BAIAP2L2: variants seen among roughly 807,000 people sequenced by gnomAD.
BAIAP2L2 encodes the protein BAR/IMD domain containing adaptor protein 2 like 2.
A neutral mutation model predicts 60.4 loss-of-function variants in BAIAP2L2; 65 were observed. The observed-to-expected ratio is 1.08, with a 90% CI of 0.88 to 1.32. The LOEUF (loss-of-function observed/expected upper bound fraction) is 1.32. Ranked by LOEUF, BAIAP2L2 falls within the 40% of genes most tolerant of loss-of-function variation. The probability of loss-of-function intolerance (pLI) is 0.00; values close to 1 mark genes in which losing one functional copy is unlikely to be tolerated. For missense variants in BAIAP2L2, 836 were observed against 741.2 expected (o/e 1.13, Z -1.48); for synonymous variants, 344 against 301.7 (o/e 1.14, Z -1.45).
At position 38,088,717 on chromosome 22, in the gene BAIAP2L2, C is replaced by CA. The variant is rs755505438; in HGVS notation, c.1118+30dup. On this transcript the variant is annotated intron_variant, in intron 10 of 13. Transcript: ENST00000381669. ...GGCCCCCAGGGCCTTCTTCTCAACC[C>CA]ACCCCCGGCCCCTCCAAGGCTCCCA... 1.2e-5 allele frequency: 16 copies of CA among 1,313,040 alleles called. No individual in the cohort carries two copies. In the Middle Eastern group the frequency reaches 6.5e-4, roughly 53 times the overall value. 81.3% of individuals were successfully genotyped at this position (1,313,040 alleles called of 1,614,324 possible).
At chr22:38,109,572 G>A (rs981497245) in intron 1 of BAIAP2L2, among the ~76,000 whole-genome samples, 9 of 152,304 alleles carry the variant, frequency 5.9e-5, no homozygotes, top group Non-Finnish European at 1.0e-4. Flanking sequence ...GCACGGCTCA[G>A]CCCTGCCCTG....
chr22:38,097,798 T>G (rs2086473119), intron 6 of BAIAP2L2, among the ~76,000 whole-genome samples: 3 of 145,974 alleles, frequency 2.1e-5, no homozygotes, highest in African/African-American at 5.1e-5. Context: ...ATGGGGGAGG[T>G]GGGATGGGTT....
At chr22:38,098,512 A>C in intron 4 of BAIAP2L2, 30 bp from the exon 5 acceptor site, 1 of 1,592,588 alleles carries the variant, frequency 6.3e-7, no homozygotes, top group Non-Finnish European at 8.6e-7. Flanking sequence ...AGGGTGATCA[A>C]GGCCCCCCTA....
chr22:38,097,111 A>C lies in BAIAP2L2; in HGVS notation c.533T>G (p.Leu178Trp), dbSNP rs775380722. 1 of 1,614,044 alleles carries C rather than the reference A, an allele frequency of 6.2e-7. No individual in the cohort carries two copies. Among genetic ancestry groups the C allele is most frequent in the East Asian group, 2.2e-5 (1 of 44,882 alleles). Residue 178 changes from leucine to tryptophan, a missense_variant, in exon 7 of 14, where the codon TTG becomes TGG. Physicochemically the swap from Leu to Trp is moderately conservative, Grantham distance 61. Coordinates refer to ENST00000381669, the MANE Select transcript of BAIAP2L2 (RefSeq NM_025045.6). ...FVSESQRAAE[L>W]EEKRRYRFLA... is the part of the protein sequence containing the mutation. ...GAAGCGATAGCGCCGCTTCTCTTCCAATTCAGCCGCCCGCTGACTCTCAGA... is the reference window on the plus strand; with the variant it reads ...GAAGCGATAGCGCCGCTTCTCTTCCCATTCAGCCGCCCGCTGACTCTCAGA...
chr22:38,098,471 G>A lies in BAIAP2L2; in HGVS notation c.288C>T (p.Phe96=). The A allele has an allele frequency of 6.2e-7, 1 of 1,613,836 alleles. No individual in the cohort carries two copies. Among genetic ancestry groups the A allele is most frequent in the Non-Finnish European group, 8.5e-7 (1 of 1,179,846 alleles). ...CCATGTGCTGCAGCAGGCCTCCATG[G>A]AATGTCTGCACCTGAGCGGAGTGCA... ...NSDLEVVVQT[F]HGGLLQHMEK... Residue 96 remains phenylalanine, a synonymous_variant, in exon 5 of 14, where the codon TTC becomes TTT. Coordinates refer to ENST00000381669, the MANE Select transcript of BAIAP2L2 (RefSeq NM_025045.6).
At chr22:38,088,146 C>A (rs1439270765) in intron 10 of BAIAP2L2, among the ~76,000 whole-genome samples, 1 of 152,228 alleles carries the variant, frequency 6.6e-6, no homozygotes, top group African/African-American at 2.4e-5. Flanking sequence ...CACTGCCTGG[C>A]TCCAGCCAGC....
chr22:38,095,991 CATT>C (rs1462449886), intron 7 of BAIAP2L2, among the ~76,000 whole-genome samples: 1 of 152,114 alleles, frequency 6.6e-6, no homozygotes, highest in Admixed American at 6.5e-5. Context: ...CAGGTATCTT[CATT>C]ATTATGTTAA....
chr22:38,096,884 G>A (rs1197003987), intron 7 of BAIAP2L2, 148 bp downstream of exon 7: 17 of 914,482 alleles, frequency 1.9e-5, no homozygotes, highest in Non-Finnish European at 2.8e-5. Context: ...AGGAAGAAAT[G>A]GATGGAGATA....
At chr22:38,089,023 C>T in intron 9 of BAIAP2L2, 59 bp from the exon 10 acceptor site, 2 of 1,450,864 alleles carry the variant, frequency 1.4e-6, no homozygotes, top group South Asian at 1.4e-5. Flanking sequence ...CGTCTGCCCT[C>T]GATCCCTCCT....
In BAIAP2L2 at chr22:38,087,247, TC is replaced by T; in HGVS notation, c.1135del (p.Glu379ArgfsTer4). 1 of 1,606,032 alleles carries T rather than the reference TC, an allele frequency of 6.2e-7. No individual in the cohort carries two copies. Among genetic ancestry groups the T allele is most frequent in the Non-Finnish European group, 8.5e-7 (1 of 1,176,562 alleles). Reference sequence around the variant, plus strand: ...CTCCTCCAGAGCCTTCACGTACGCCTCGGGGAACCAACCGCTCCTGTGGGGT... The same window carrying T: ...CTCCTCCAGAGCCTTCACGTACGCCTGGGGAACCAACCGCTCCTGTGGGGT... ...EGSSASGWFP[E>X]AYVKALEEGP... On this transcript the variant is annotated frameshift_variant, in exon 11 of 14. Transcript: ENST00000381669. LOFTEE classifies it high-confidence loss of function.
chr22:38,110,889 C>T (rs532999841), upstream of BAIAP2L2, among the ~76,000 whole-genome samples: 1 of 152,258 alleles, frequency 6.6e-6, no homozygotes, highest in East Asian at 1.9e-4. Flanking sequence ...CCCTGGGGGG[C>T]CCCGCCCTCC....
intron 1 of BAIAP2L2, among the ~76,000 whole-genome samples, chr22:38,110,120 G>GGAGAGAGAGAGAGAGAGAGA (rs1202491630): frequency 1.2e-3 from 22 of 18,828 alleles, no homozygotes; most frequent in Non-Finnish European, 3.7e-3. Context: ...AGAGAGAGAG[G>GGAGAGAGAGAGAGAGAGAGA]GAGAGAGAGA....
chr22:38,109,995 T>C (rs1036133749), intron 1 of BAIAP2L2, among the ~76,000 whole-genome samples: 1 of 125,482 alleles, frequency 8.0e-6, no homozygotes, highest in African/African-American at 3.3e-5. Flanking sequence ...CCCCCGGGGG[T>C]GAAGTAGGAA....
chr22:38,088,982 C>T lies in BAIAP2L2; in HGVS notation c.902-18G>A, dbSNP rs1400501289. 3 of 1,487,910 alleles carry T rather than the reference C, an allele frequency of 2.0e-6. No homozygotes were observed. The highest frequency in any genetic ancestry group is 1.3e-5 in the South Asian group (1 of 77,522). 92.2% of individuals were successfully genotyped at this position (1,487,910 alleles called of 1,614,324 possible). A position where few individuals can be genotyped will look rare whatever the true frequency, so the allele number is the denominator to read the frequency against. On this transcript the variant is annotated intron_variant, in intron 9 of 13. Coordinates refer to ENST00000381669, the MANE Select transcript of BAIAP2L2 (RefSeq NM_025045.6). Reference sequence around the variant, plus strand: ...GAGCGAGGCTGTGGGCGGGAGAGCGCGGCGGCACGTGGGCAGGAAGTTCTT... The same window carrying T: ...GAGCGAGGCTGTGGGCGGGAGAGCGTGGCGGCACGTGGGCAGGAAGTTCTT...
chr22:38,105,980 G>C (rs1164814777), intron 4 of BAIAP2L2, among the ~76,000 whole-genome samples: 1 of 152,166 alleles, frequency 6.6e-6, no homozygotes, highest in African/African-American at 2.4e-5. Context: ...TGCCTGGAGA[G>C]GACAGCTCTC....
intron 4 of BAIAP2L2, among the ~76,000 whole-genome samples, chr22:38,104,173 G>C (rs113197447): frequency 4.3e-4 from 64 of 149,574 alleles, no homozygotes; most frequent in African/African-American, 1.5e-3. Flanking sequence ...TAAGGGGAAG[G>C]GTCTCTTTCT....
rs757913436 is a variant in BAIAP2L2 at position 38,085,355 on chromosome 22, G to A, written c.1535C>T (p.Thr512Ile). 1 of 1,614,056 alleles carries A rather than the reference G, an allele frequency of 6.2e-7. No individual in the cohort carries two copies. Among genetic ancestry groups the A allele is most frequent in the Non-Finnish European group, 8.5e-7 (1 of 1,179,940 alleles). ...LFPRGTNPFA[T>I]VKLRPTITND... is the part of the protein sequence containing the mutation. Reference sequence around the variant, plus strand: ...GGTGATGGTGGGACGAAGCTTGACAGTGGCAAAAGGATTTGTGCCCCTGTA... The same window carrying A: ...GGTGATGGTGGGACGAAGCTTGACAATGGCAAAAGGATTTGTGCCCCTGTA... Residue 512 changes from threonine (T) to isoleucine (I), a missense_variant, in exon 14 of 14, where the codon ACT becomes ATT. Coordinates refer to ENST00000381669, the MANE Select transcript of BAIAP2L2 (RefSeq NM_025045.6).
chr22:38,100,394 C>T (rs1174619052), intron 4 of BAIAP2L2, among the ~76,000 whole-genome samples: 8 of 151,978 alleles, frequency 5.3e-5, no homozygotes, highest in South Asian at 2.1e-4. Flanking sequence ...GGCCTGGTGG[C>T]GGCTGCCTGT....
intron 4 of BAIAP2L2, 142 bp downstream of exon 4, chr22:38,107,710 C>T (rs984975341): frequency 4.7e-5 from 35 of 744,510 alleles, no homozygotes; most frequent in East Asian, 1.5e-4. Context: ...TGCAGGGAAC[C>T]GTGCCCCACA....
Sources: allele counts gnomAD v4.1 joint callset (sites outside exome capture counted in the v4.1 genomes callset), GRCh38; gene constraint gnomAD v4.1.1; transcripts MANE v1.5; gene names NCBI Gene and HGNC (gene_info 2026-07-23, HGNC 2026-07-21).